Variants in C16orf46 observed in about 807,000 individuals in gnomAD.
The protein encoded by C16orf46 is chromosome 16 open reading frame 46, also known as uncharacterized protein C16orf46.
C16orf46 carries 7 observed loss-of-function variants against 5.5 expected under a neutral mutation model. That is an observed-to-expected ratio of 1.28 (90% CI 0.73 to 2.40). The LOEUF (loss-of-function observed/expected upper bound fraction) is 2.40, where lower values mean the gene tolerates loss of function less well. C16orf46 is among the 30% of genes most tolerant of loss of function. C16orf46 has a pLI of 0.00. For missense variants in C16orf46, 614 were observed against 476.0 expected, an observed-to-expected ratio of 1.29 and a Z score of -2.70; for synonymous variants, 200 against 184.1, an observed-to-expected ratio of 1.09 and a Z score of -0.70.
rs763725283 is a variant in C16orf46 at position 81,054,024 on chromosome 16, C to T, written c.*47G>A. 5 of 1,577,454 alleles carry T rather than the reference C, an allele frequency of 3.2e-6. No homozygotes were observed. In the African/African-American group the frequency reaches 5.4e-5, roughly 17 times the overall value. ...GAAATATTTGCTTTTATGATTACAT[C>T]TCAACCGTGTTGCTGCTTAGGACTG... On this transcript the variant is annotated 3_prime_UTR_variant, in exon 4 of 4. Transcript: ENST00000378611.
chr16:81,054,689 C>G (rs1287112523), intron 3 of C16orf46, among the ~76,000 whole-genome samples: 2 of 152,028 alleles, frequency 1.3e-5, no homozygotes, highest in African/African-American at 2.4e-5. Context: ...CACTCTACTG[C>G]CCAGGCTGGT....
chr16:81,062,685 C>G (rs1971528452), intron 3 of C16orf46, among the ~76,000 whole-genome samples: 1 of 152,070 alleles, frequency 6.6e-6, no homozygotes, highest in Non-Finnish European at 1.5e-5. Context: ...GCCCTGCGTA[C>G]CCAGGGATAC....
intron 2 of C16orf46, among the ~76,000 whole-genome samples, chr16:81,065,637 C>T (rs1039548691): frequency 6.6e-6 from 1 of 152,092 alleles, no homozygotes; most frequent in African/African-American, 2.4e-5. Context: ...TCAAGAAGTT[C>T]CTTGCTTGTG....
At chr16:81,074,103 C>G (rs572651400) in intron 1 of C16orf46, among the ~76,000 whole-genome samples, 1 of 152,346 alleles carries the variant, frequency 6.6e-6, no homozygotes, top group African/African-American at 2.4e-5. Context: ...ATCCGCAAGC[C>G]TGCAAATTTT....
chr16:81,062,178 C>T (rs1424216307), intron 3 of C16orf46, 40 bp from the exon 4 acceptor site: 35 of 1,502,756 alleles, frequency 2.3e-5, no homozygotes, highest in Non-Finnish European at 3.1e-5. Flanking sequence ...AGCTGAGGGG[C>T]CCAAACTGTC....
At chr16:81,075,166 T>C (rs977119650) in intron 1 of C16orf46, among the ~76,000 whole-genome samples, 1 of 152,226 alleles carries the variant, frequency 6.6e-6, no homozygotes, top group South Asian at 2.1e-4. Flanking sequence ...CTAAATCTTT[T>C]CTACAGGAAT....
At chr16:81,058,576 A>G (rs1356706752), downstream of C16orf46, among the ~76,000 whole-genome samples, 8 of 152,232 alleles carry the variant, frequency 5.3e-5, no homozygotes, top group South Asian at 1.7e-3. Flanking sequence ...AGAACCCATT[A>G]AAGAGTAAAG....
At chr16:81,071,653 G>C (rs1358146851) in intron 1 of C16orf46, among the ~76,000 whole-genome samples, 2 of 152,084 alleles carry the variant, frequency 1.3e-5, no homozygotes, top group East Asian at 1.9e-4. Flanking sequence ...GGCTGAAGTG[G>C]GGGATCCCAT....
Position 81,063,799 on chromosome 16 carries a change from C to T in C16orf46, c.157G>A (p.Glu53Lys). ...CLLDVSDITL[E>K]QDEKAKEFII... is the part of the protein sequence containing the mutation. ...AACTCTTTGGCTTTTTCATCTTGTT[C>T]AAGCGTAATGTCACTGACATCGAGA... Residue 53 changes from glutamate (E) to lysine (K), a missense_variant, in exon 3 of 4, where the codon GAA becomes AAA. By Grantham distance (56) the Glu-to-Lys change is moderately conservative. Coordinates refer to ENST00000299578, the MANE Select transcript of C16orf46 (RefSeq NM_152337.3). 1 of 1,614,030 alleles carries T rather than the reference C, an allele frequency of 6.2e-7. No individual in the cohort carries two copies. The highest frequency in any genetic ancestry group is 2.2e-5 in the East Asian group (1 of 44,870).
chr16:81,058,669 G>T (rs1270670689), downstream of C16orf46, among the ~76,000 whole-genome samples: 1 of 152,172 alleles, frequency 6.6e-6, no homozygotes, highest in Non-Finnish European at 1.5e-5. Flanking sequence ...TCATTAGAGG[G>T]AAATTATCCA....
chr16:81,056,835 G>A (rs974858570), downstream of C16orf46, among the ~76,000 whole-genome samples: 2 of 152,096 alleles, frequency 1.3e-5, no homozygotes, highest in Non-Finnish European at 2.9e-5. Flanking sequence ...GATGTGGCAA[G>A]CTGGGCGTTC....
downstream of C16orf46, chr16:81,058,141 T>C (rs1971360269): frequency 1.3e-5 from 2 of 152,500 alleles, no homozygotes; most frequent in African/African-American, 4.8e-5. Context: ...TGCATTAAAA[T>C]GACAGAACTA....
chr16:81,069,417 GA>G (rs776466047), intron 1 of C16orf46, among the ~76,000 whole-genome samples: 6 of 152,326 alleles, frequency 3.9e-5, no homozygotes, highest in Non-Finnish European at 8.8e-5. Flanking sequence ...TGCGTCGTTG[GA>G]AACCACAGCC....
intron 1 of C16orf46, chr16:81,076,595 A>C (rs771330939): frequency 6.6e-6 from 1 of 152,376 alleles, no homozygotes; most frequent in Non-Finnish European, 1.5e-5. Flanking sequence ...AAGCTAAAGC[A>C]GCATCCGTCT....
At chr16:81,069,096 T>G (rs1971755708) in intron 1 of C16orf46, among the ~76,000 whole-genome samples, 1 of 152,188 alleles carries the variant, frequency 6.6e-6, no homozygotes, top group African/African-American at 2.4e-5. Context: ...AATAGAATTC[T>G]GATTTTGTGT....
intron 1 of C16orf46, 144 bp downstream of exon 1, chr16:81,076,992 C>T (rs1597157807): frequency 6.6e-6 from 1 of 152,436 alleles, no homozygotes; most frequent in African/African-American, 2.4e-5. Context: ...ACCCCGCCCG[C>T]TCTGGGGAAG....
At chr16:81,075,973 C>T (rs1303783227) in intron 1 of C16orf46, among the ~76,000 whole-genome samples, 2 of 152,204 alleles carry the variant, frequency 1.3e-5, no homozygotes, top group Non-Finnish European at 2.9e-5. Context: ...CTGTGCCACA[C>T]ACCCTCATCT....
rs116088689 is a variant in C16orf46 at position 81,068,170 on chromosome 16, G to A, written c.-127-1889C>T. 4.5e-3 allele frequency among the ~76,000 whole-genome samples: 688 copies of A among 152,266 alleles called. 9 individuals carry two copies. The highest frequency in any genetic ancestry group is 0.015 in the African/African-American group (634 of 41,540). On this transcript the variant is annotated intron_variant, in intron 1 of 3. Transcript: ENST00000299578. Reference sequence around the variant, plus strand: ...ACTATCAAATGCTCCTTTGTTATACGTCCGGCAAAGTTAATGTAGCTTTAA... The same window carrying A: ...ACTATCAAATGCTCCTTTGTTATACATCCGGCAAAGTTAATGTAGCTTTAA...
rs142581816 is a variant in C16orf46, at chr16:81,062,048, C to G, written c.301G>C (p.Asp101His). 4.9e-4 allele frequency: 783 copies of G among 1,613,348 alleles called. 3 individuals are homozygous for G. In the African/African-American group the frequency reaches 9.5e-3, roughly 20 times the overall value. ...GAGAGGTTAACACACACCAAGCAGT[C>G]GCTGCAGGCACCTTCCCCTACCCTC... Reference protein sequence around the residue: ...KARVGEGACSDCLVCVNLSHW... With the variant: ...KARVGEGACSHCLVCVNLSHW... The change falls in exon 4 of 4, where the codon GAC becomes CAC. Residue 101 changes from aspartate to histidine, a missense_variant. Asp to His is a moderately conservative substitution (Grantham distance 81, BLOSUM62 -1). Coordinates refer to ENST00000299578, the MANE Select transcript of C16orf46 (RefSeq NM_152337.3).
Sources: gnomAD v4.1 joint callset for allele counts (sites outside exome capture counted in the v4.1 genomes callset) on GRCh38, gnomAD v4.1.1 for gene constraint, MANE v1.5 for transcripts, NCBI Gene and HGNC (gene_info 2026-07-23, HGNC 2026-07-21) for gene names.